REPS1: variants seen among roughly 807,000 people sequenced by gnomAD.
REPS1 encodes the protein RALBP1 associated Eps domain containing 1.
In REPS1, 39 loss-of-function variants were observed where a neutral mutation model predicts 100.9. The ratio of observed to expected loss-of-function variants is 0.39; its 90% CI spans 0.30 to 0.50. The LOEUF (loss-of-function observed/expected upper bound fraction) is 0.50, where lower values mean the gene tolerates loss of function less well. Ranked by LOEUF, REPS1 falls within the 20% of genes least tolerant of loss-of-function variation. The probability of loss-of-function intolerance (pLI) is 0.86; values close to 1 mark genes in which losing one functional copy is unlikely to be tolerated. For synonymous variants in REPS1, 324 were observed against 340.3 expected (o/e 0.95, Z 0.53); for missense variants, 821 against 968.5 (o/e 0.85, Z 2.02).
chr6:138,918,117 A>G lies in REPS1; in HGVS notation c.1529-490T>C, dbSNP rs968102067. On this transcript the variant is annotated intron_variant, in intron 12 of 19. Transcript: ENST00000450536. ...TTTGTGTGTGTGTGTGTGCGTGTGT[A>G]TATTTTTTTGGGGGTTAGAAATGAG... Among the ~76,000 whole-genome samples the G allele has an allele frequency of 2.0e-5, 3 of 151,368 alleles. 1 individual carries two copies.
chr6:138,923,550 G>C (rs905486633), intron 10 of REPS1, among the ~76,000 whole-genome samples: 1 of 152,114 alleles, frequency 6.6e-6, no homozygotes, highest in Non-Finnish European at 1.5e-5. Context: ...AAAGACTAAC[G>C]CATTACACTT....
At chr6:138,918,465 C>A (rs1031521608) in intron 12 of REPS1, among the ~76,000 whole-genome samples, 9 of 152,098 alleles carry the variant, frequency 5.9e-5, no homozygotes, top group Non-Finnish European at 1.2e-4. Flanking sequence ...ACATTAGATA[C>A]AAACATAACT....
At chr6:138,925,502 T>A (rs1019487271) in intron 10 of REPS1, among the ~76,000 whole-genome samples, 6 of 152,248 alleles carry the variant, frequency 3.9e-5, no homozygotes, top group African/African-American at 1.4e-4. Context: ...AAATGCTGGC[T>A]GTCTTTGATC....
chr6:138,979,110 G>A lies in REPS1; in HGVS notation c.153+8420C>T, dbSNP rs748298630. ...GCAGGAGAATCGCTTCAACCCGGGA[G>A]GCGGAGGTTGCAGTGAGCCAAGACC... On this transcript the variant is annotated intron_variant, in intron 1 of 19. Transcript: ENST00000450536. Among the ~76,000 whole-genome samples the A allele has an allele frequency of 6.8e-4, 103 of 150,458 alleles. 1 individual carries two copies. The highest frequency in any genetic ancestry group is 1.2e-3 in the Non-Finnish European group (84 of 67,776).
At chr6:138,907,834 C>T in intron 18 of REPS1, among the ~76,000 whole-genome samples, 1 of 151,666 alleles carries the variant, frequency 6.6e-6, no homozygotes, top group East Asian at 1.9e-4. Context: ...GTAGAATCAC[C>T]TGAATTTAAG....
chr6:138,960,680 T>A (rs1185674480), intron 1 of REPS1, among the ~76,000 whole-genome samples: 1 of 152,182 alleles, frequency 6.6e-6, no homozygotes, highest in East Asian at 1.9e-4. Context: ...AAGGAGTATT[T>A]AGATAGCTTT....
intron 1 of REPS1, among the ~76,000 whole-genome samples, chr6:138,984,055 A>G (rs1257462748): frequency 1.3e-5 from 2 of 149,196 alleles, no homozygotes; most frequent in Non-Finnish European, 3.0e-5. Context: ...TACCTTCATA[A>G]TCTCTACCAT....
intron 1 of REPS1, among the ~76,000 whole-genome samples, chr6:138,950,034 G>A (rs914274734): frequency 6.6e-6 from 1 of 151,976 alleles, no homozygotes; most frequent in African/African-American, 2.4e-5. Context: ...AGGACTTTTG[G>A]GTTTGCTAGA....
chr6:138,947,037 T>TCTCTCTCTCTCTTG lies in REPS1; in HGVS notation c.277+752_277+753insCAAGAGAGAGAGAG, dbSNP rs1427202195. Among the ~76,000 whole-genome samples the TCTCTCTCTCTCTTG allele has an allele frequency of 2.6e-3, 51 of 19,404 alleles. 1 individual carries two copies. The highest frequency in any genetic ancestry group is 7.3e-3 in the African/African-American group (45 of 6,176). The allele number at this position is 19,404 out of a possible 152,430, so 12.7% of individuals were successfully genotyped here. A position where few individuals can be genotyped will look rare whatever the true frequency, so the allele number is the denominator to read the frequency against. ...AATGTCTGTGGCTATTCCCCCTTGCTCTCTCTCTCTCTCTCTCTCTCTCTC... is the reference window on the plus strand; with the variant it reads ...AATGTCTGTGGCTATTCCCCCTTGCTCTCTCTCTCTCTTGCTCTCTCTCTCTCTCTCTCTCTCTC... On this transcript the variant is annotated intron_variant, in intron 2 of 19. Coordinates refer to ENST00000450536, the MANE Select transcript of REPS1 (RefSeq NM_001286611.2).
rs150258903 is a variant in REPS1, at chr6:138,924,757, C to T, written c.1338+1644G>A. On this transcript the variant is annotated intron_variant, in intron 10 of 19. Transcript: ENST00000450536. ...TAAAAAGAAAACAAAGATAAAACTT[C>T]TAATTTACAGAACTTGTCAATTCCT... Among the ~76,000 whole-genome samples, 235 of 152,310 alleles carry T rather than the reference C, an allele frequency of 1.5e-3. 1 individual carries two copies. Among genetic ancestry groups the T allele is most frequent in the African/African-American group, 5.3e-3 (222 of 41,562 alleles).
intron 1 of REPS1, among the ~76,000 whole-genome samples, chr6:138,979,724 T>C (rs1784825614): frequency 6.6e-6 from 1 of 152,224 alleles, no homozygotes; most frequent in Non-Finnish European, 1.5e-5. Context: ...ACCACTCTGA[T>C]TGTGTGCTTC....
chr6:138,931,374 T>C (rs1234507060), intron 8 of REPS1, among the ~76,000 whole-genome samples: 1 of 152,194 alleles, frequency 6.6e-6, no homozygotes, highest in Non-Finnish European at 1.5e-5. Flanking sequence ...TTTAACTTCA[T>C]TCACCTTTAC....
At chr6:138,922,055 T>C (rs573687887) in intron 10 of REPS1, among the ~76,000 whole-genome samples, 1 of 151,784 alleles carries the variant, frequency 6.6e-6, no homozygotes, top group African/African-American at 2.4e-5. Context: ...CAAGACAATA[T>C]TAAAAAGTGA....
rs144226246 is a variant in REPS1 at position 138,911,287 on chromosome 6, G to A, written c.2056C>T (p.Pro686Ser). 2,535 of 1,604,920 alleles carry A rather than the reference G, an allele frequency of 1.6e-3. 7 individuals are homozygous for A. Among genetic ancestry groups the A allele is most frequent in the Middle Eastern group, 4.1e-3 (25 of 6,040 alleles). The change falls in exon 17 of 20, where the codon CCT becomes TCT. Residue 686 changes from proline to serine, a missense_variant. Pro to Ser is a moderately conservative substitution (Grantham distance 74). Around this residue, in one of 3 missense-constraint regions of REPS1, gnomAD observed 757 missense variants for 866.4 expected, o/e 0.87. Coordinates refer to ENST00000450536, the MANE Select transcript of REPS1 (RefSeq NM_001286611.2). ...KTEEKTAASA[P>S]ANVSKGTTPL... ...GACATTTTGCATACCACATTGGCAG[G>A]AGCACTAGCAGCTGTCTTTTCTTCA...
At chr6:138,978,679 C>A (rs1784741017) in intron 1 of REPS1, among the ~76,000 whole-genome samples, 1 of 151,988 alleles carries the variant, frequency 6.6e-6, no homozygotes. Flanking sequence ...GTATGTTAGG[C>A]CTCTTTGAAG....
At chr6:138,959,138 G>C (rs1343446215) in intron 1 of REPS1, among the ~76,000 whole-genome samples, 3 of 152,166 alleles carry the variant, frequency 2.0e-5, no homozygotes, top group African/African-American at 7.2e-5. Flanking sequence ...GTACCCCCAA[G>C]AAGTCCTGAA....
At chr6:138,941,022 C>T (rs148267337) in intron 8 of REPS1, among the ~76,000 whole-genome samples, 6 of 152,226 alleles carry the variant, frequency 3.9e-5, no homozygotes, top group Non-Finnish European at 7.4e-5. Context: ...ACTCTATCCA[C>T]TCGAGACAAT....
chr6:138,910,500 C>T (rs147763873), intron 17 of REPS1, among the ~76,000 whole-genome samples: 1 of 152,240 alleles, frequency 6.6e-6, no homozygotes, highest in East Asian at 1.9e-4. Context: ...ACTATAGGCG[C>T]ATACCACCAC....
At chr6:138,940,124 T>C (rs193246681) in intron 8 of REPS1, among the ~76,000 whole-genome samples, 3 of 152,328 alleles carry the variant, frequency 2.0e-5, no homozygotes, top group Admixed American at 6.5e-5. Context: ...CCAAGGAGAC[T>C]GTTCTCTTTT....
Sources: gnomAD v4.1 joint callset for allele counts (sites outside exome capture counted in the v4.1 genomes callset) on GRCh38, gnomAD v4.1.1 for gene constraint, gnomAD v4.1.1 regional missense constraint, MANE v1.5 for transcripts, NCBI Gene and HGNC (gene_info 2026-07-23, HGNC 2026-07-21) for gene names.